GC: variants seen among roughly 807,000 people sequenced by gnomAD.
The protein encoded by GC is vitamin D-binding protein.
GC carries 43 observed loss-of-function variants against 56.7 expected under a neutral mutation model. The observed-to-expected ratio is 0.76, with a 90% CI of 0.59 to 0.98. The LOEUF (loss-of-function observed/expected upper bound fraction) is 0.98. Ranked by LOEUF, GC falls within the 50% of genes least tolerant of loss-of-function variation. GC has a pLI of 0.00. For missense variants in GC, 529 were observed against 545.9 expected (o/e 0.97, Z 0.31); for synonymous variants, 216 against 202.7 (o/e 1.07, Z -0.56).
intron 12 of GC, among the ~76,000 whole-genome samples, chr4:71,743,375 G>GA (rs1741251088): frequency 6.6e-6 from 1 of 152,132 alleles, no homozygotes; most frequent in African/African-American, 2.4e-5. Flanking sequence ...TACAACAAGG[G>GA]AAAAATCATT....
At chr4:71,758,663 T>G (rs145743262) in intron 6 of GC, among the ~76,000 whole-genome samples, 2 of 152,190 alleles carry the variant, frequency 1.3e-5, no homozygotes, top group African/African-American at 4.8e-5. Context: ...TGCTATACTA[T>G]TCTCATATTT....
upstream of GC, among the ~76,000 whole-genome samples, chr4:71,805,364 G>A (rs1688144): frequency 0.021 from 3,237 of 151,536 alleles, 120 homozygotes; most frequent in African/African-American, 0.072. Context: ...GGGTTCTGTC[G>A]CAATCTGTTG....
chr4:71,776,170 T>C (rs1742503173), intron 1 of GC, among the ~76,000 whole-genome samples: 1 of 151,894 alleles, frequency 6.6e-6, no homozygotes, highest in African/African-American at 2.4e-5. Context: ...CAAAGAAATA[T>C]AAATTAACAG....
upstream of GC, among the ~76,000 whole-genome samples, chr4:71,789,063 T>C (rs1742910502): frequency 6.6e-6 from 1 of 151,914 alleles, no homozygotes; most frequent in African/African-American, 2.4e-5. Context: ...GTGTAATTAC[T>C]TTTACAAGTA....
intron 1 of GC, among the ~76,000 whole-genome samples, chr4:71,790,054 T>C (rs1742931818): frequency 6.6e-6 from 1 of 152,002 alleles, no homozygotes; most frequent in African/African-American, 2.4e-5. Flanking sequence ...TGAAGCTCTG[T>C]TATTATACAC....
At chr4:71,805,058 A>G (rs1743332751), upstream of GC, among the ~76,000 whole-genome samples, 1 of 152,064 alleles carries the variant, frequency 6.6e-6, no homozygotes, top group South Asian at 2.1e-4. Context: ...GCCCTTGTGC[A>G]TGATATTGTT....
chr4:71,780,556 A>G (rs1461606072), intron 1 of GC, among the ~76,000 whole-genome samples: 1 of 152,166 alleles, frequency 6.6e-6, no homozygotes, highest in Non-Finnish European at 1.5e-5. Flanking sequence ...AAACAACCCC[A>G]TCAAAAAGTG....
At chr4:71,785,206 T>A (rs1742804827), upstream of GC, among the ~76,000 whole-genome samples, 1 of 151,804 alleles carries the variant, frequency 6.6e-6, no homozygotes, top group Admixed American at 6.6e-5. Context: ...GGTGCAGGGC[T>A]CATGGTAACA....
rs1370732817 is a variant in GC at position 71,758,151 on chromosome 4, T to C, written c.722A>G (p.Gln241Arg). 2 of 1,613,206 alleles carry C rather than the reference T, an allele frequency of 1.2e-6. No individual in the cohort carries two copies. The highest frequency in any genetic ancestry group is 1.7e-6 in the Non-Finnish European group (2 of 1,179,246). The change falls in exon 7 of 13, where the codon CAA becomes CGA. Residue 241 changes from glutamine (Q) to arginine (R), a missense_variant. Gln to Arg is a conservative substitution (Grantham distance 43). Coordinates refer to ENST00000273951, the MANE Select transcript of GC (RefSeq NM_000583.4). ...CTCCAGATCAGCAGTAGGCACTTTT[T>C]GGGCTAACTTTATGAGATTGCTAAA... ...SRLSNLIKLA[Q>R]KVPTADLEDV...
chr4:71,804,957 C>T (rs972862857), upstream of GC, among the ~76,000 whole-genome samples: 4 of 152,090 alleles, frequency 2.6e-5, no homozygotes, highest in Non-Finnish European at 5.9e-5. Context: ...GTGATGGTTC[C>T]TTCTCCCTTC....
intron 1 of GC, among the ~76,000 whole-genome samples, chr4:71,803,282 A>AAATACCG (rs1401341427): frequency 3.0e-4 from 45 of 152,198 alleles, no homozygotes; most frequent in Non-Finnish European, 5.9e-4. Context: ...GAGCTAGTAA[A>AAATACCG]GGAAAGTTGT....
At chr4:71,790,895 T>C (rs2149308768) in intron 1 of GC, among the ~76,000 whole-genome samples, 1 of 152,034 alleles carries the variant, frequency 6.6e-6, no homozygotes, top group African/African-American at 2.4e-5. Flanking sequence ...TAGGTATATG[T>C]CCTAAAGCTA....
rs756490771 is a variant in GC at position 71,764,074 on chromosome 4, T to C, written c.474-138A>G. Reference sequence around the variant, plus strand: ...ATAGCTCACTGCAGTCTCAACCTCCTGGCCTCAAGCGATCCTCCTGCTTCA... The same window carrying C: ...ATAGCTCACTGCAGTCTCAACCTCCCGGCCTCAAGCGATCCTCCTGCTTCA... On this transcript the variant is annotated intron_variant, in intron 4 of 12. Transcript: ENST00000273951. 296 of 639,000 alleles carry C rather than the reference T, an allele frequency of 4.6e-4. 1 individual carries two copies. Among genetic ancestry groups the C allele is most frequent in the Non-Finnish European group, 7.0e-4 (256 of 365,068 alleles). The allele number at this position is 639,000 out of a possible 1,614,324, so 39.6% of individuals were successfully genotyped here. A position where few individuals can be genotyped will look rare whatever the true frequency, so the allele number is the denominator to read the frequency against.
At chr4:71,796,830 G>A (rs1706526601) in intron 1 of GC, among the ~76,000 whole-genome samples, 1 of 152,178 alleles carries the variant, frequency 6.6e-6, no homozygotes, top group South Asian at 2.1e-4. Context: ...TGATGTTGGT[G>A]ACCTACATAT....
intron 1 of GC, among the ~76,000 whole-genome samples, chr4:71,789,473 A>G (rs1259486447): frequency 1.3e-5 from 2 of 152,020 alleles, no homozygotes; most frequent in Admixed American, 6.6e-5. Context: ...AACTTGGGTT[A>G]TATGAGTGAG....
chr4:71,752,365 T>C (rs1168472833), intron 11 of GC, among the ~76,000 whole-genome samples, 153 bp downstream of exon 11: 3 of 152,250 alleles, frequency 2.0e-5, no homozygotes, highest in African/African-American at 7.2e-5. Flanking sequence ...GTTATGTTTC[T>C]TACTTTCATT....
chr4:71,749,351 T>C (rs934418979), intron 11 of GC, among the ~76,000 whole-genome samples: 2 of 152,106 alleles, frequency 1.3e-5, no homozygotes, highest in Middle Eastern at 3.2e-3. Flanking sequence ...CTCAAAGAAA[T>C]GAAAAACCAG....
In GC at chr4:71,784,075, G is replaced by T. The variant is rs771004579; in HGVS notation, c.-57C>A. On this transcript the variant is annotated 5_prime_UTR_variant, in exon 1 of 13. Coordinates refer to ENST00000273951, the MANE Select transcript of GC (RefSeq NM_000583.4). ...CTCTCCTGTAGGTGACCATGTAAAA[G>T]TGGTAGCCAAAAGTAATTGGTTTCC... 1.3e-6 allele frequency: 2 copies of T among 1,557,686 alleles called. No homozygotes were observed. The highest frequency in any genetic ancestry group is 1.4e-5 in the African/African-American group (1 of 71,918).
chr4:71,761,201 T>G (rs1046868731), intron 6 of GC, among the ~76,000 whole-genome samples: 10 of 152,150 alleles, frequency 6.6e-5, no homozygotes, highest in African/African-American at 2.4e-4. Context: ...TGGTCTCAGA[T>G]GGAAATGAGG....
Sources: allele counts gnomAD v4.1 joint callset (sites outside exome capture counted in the v4.1 genomes callset), GRCh38; gene constraint gnomAD v4.1.1; transcripts MANE v1.5; gene names NCBI Gene and HGNC (gene_info 2026-07-23, HGNC 2026-07-21).